The following NFATC3 variants were observed in gnomAD, a reference collection of about 807,000 sequenced individuals.
NFATC3 encodes nuclear factor of activated T cells 3.
Under a neutral mutation model 98.6 loss-of-function variants are expected in NFATC3, and 46 were observed. The ratio of observed to expected loss-of-function variants is 0.47; its 90% CI spans 0.37 to 0.60. The LOEUF (loss-of-function observed/expected upper bound fraction) is 0.60. Among genes scored for constraint, NFATC3 ranks in the 20% least tolerant of loss-of-function variants. The probability of loss-of-function intolerance (pLI) is 0.00; values close to 1 mark genes in which losing one functional copy is unlikely to be tolerated. For synonymous variants in NFATC3, 512 were observed against 472.2 expected (o/e 1.08, Z -1.09); for missense variants, 1,256 against 1,295.5 (o/e 0.97, Z 0.47).
chr16:68,217,020 T>C lies in NFATC3; in HGVS notation c.3107-9330T>C, dbSNP rs1374189419. On this transcript the variant is annotated intron_variant, in intron 9 of 9. Coordinates refer to ENST00000346183, the MANE Select transcript of NFATC3 (RefSeq NM_173165.3). ...AAAAGTGAAGGATATCTTCAAATCGTGCATGTATTTTTAATCTGTTCAATG... is the reference window on the plus strand; with the variant it reads ...AAAAGTGAAGGATATCTTCAAATCGCGCATGTATTTTTAATCTGTTCAATG... 2.6e-5 allele frequency among the ~76,000 whole-genome samples: 4 copies of C among 152,188 alleles called. No individual in the cohort carries two copies. In the East Asian group the frequency reaches 7.7e-4, roughly 29 times the overall value.
intron 9 of NFATC3, among the ~76,000 whole-genome samples, chr16:68,211,788 C>T (rs1462012384): frequency 1.3e-5 from 2 of 152,212 alleles, no homozygotes; most frequent in African/African-American, 4.8e-5. Flanking sequence ...TCCCAAAGTG[C>T]TGGGATTACA....
chr16:68,209,871 A>C, intron 9 of NFATC3: 5 of 270,992 alleles, frequency 1.8e-5, no homozygotes, highest in South Asian at 1.7e-4. Context: ...ACACACACTC[A>C]CAGTCACACT....
intron 9 of NFATC3, among the ~76,000 whole-genome samples, chr16:68,219,901 A>C (rs2041793305): frequency 6.6e-6 from 1 of 152,178 alleles, no homozygotes; most frequent in South Asian, 2.1e-4. Context: ...TCTAACTTTG[A>C]ATTCTTAAGC....
At chr16:68,180,581 A>G (rs1278611775) in intron 6 of NFATC3, among the ~76,000 whole-genome samples, 2 of 149,670 alleles carry the variant, frequency 1.3e-5, no homozygotes, top group Non-Finnish European at 3.0e-5. Flanking sequence ...TAGATGTGCC[A>G]TGTTGGTGTG....
chr16:68,180,260 T>C (rs1476244203), intron 6 of NFATC3, among the ~76,000 whole-genome samples: 1 of 152,144 alleles, frequency 6.6e-6, no homozygotes, highest in Non-Finnish European at 1.5e-5. Flanking sequence ...AAATATAATC[T>C]CACAGAGAAG....
rs201430877 is a variant in NFATC3 at position 68,187,472 on chromosome 16, G to T, written c.2099-3296G>T. On this transcript the variant is annotated intron_variant, in intron 8 of 9. Coordinates refer to ENST00000346183, the MANE Select transcript of NFATC3 (RefSeq NM_173165.3). ...AATGAGGTACACGGACAAATGGAGG[G>T]TGAGCGGGATGAAGAGGAGCTTTTT... 2.6e-5 allele frequency among the ~76,000 whole-genome samples: 4 copies of T among 152,196 alleles called. No individual in the cohort carries two copies. In the South Asian group the frequency reaches 6.2e-4, roughly 24 times the overall value.
At chr16:68,158,916 C>G (rs1211916526) in intron 4 of NFATC3, among the ~76,000 whole-genome samples, 4 of 152,144 alleles carry the variant, frequency 2.6e-5, no homozygotes, top group African/African-American at 4.8e-5. Context: ...GTTATGTTTA[C>G]CAGAACACAT....
chr16:68,130,442 G>A (rs73612701), intron 3 of NFATC3, among the ~76,000 whole-genome samples: 1,998 of 152,162 alleles, frequency 0.013, 43 homozygotes, highest in African/African-American at 0.045. Flanking sequence ...TTTGCCATTT[G>A]TATGTCTCCT....
At position 68,096,743 on chromosome 16, in the gene NFATC3, C is replaced by T. The variant is rs532923113; in HGVS notation, c.103+10959C>T. Among the ~76,000 whole-genome samples, 4 of 152,196 alleles carry T rather than the reference C, an allele frequency of 2.6e-5. No individual in the cohort carries two copies. The South Asian group carries it at 6.2e-4, about 24-fold the overall frequency. The stretch of plus-strand genomic sequence containing the variant: ...GGAGGACATAACATTTCAGGCCAGC[C>T]GATTATCACACCCAAAGACAGGTTA... On this transcript the variant is annotated intron_variant, in intron 1 of 9. Coordinates refer to ENST00000346183, the MANE Select transcript of NFATC3 (RefSeq NM_173165.3).
intron 1 of NFATC3, among the ~76,000 whole-genome samples, chr16:68,112,759 C>T (rs1477661169): frequency 3.4e-5 from 5 of 149,074 alleles, no homozygotes; most frequent in Non-Finnish European, 5.9e-5. Flanking sequence ...CCTGGGTTCA[C>T]GCCATTCTCC....
chr16:68,133,397 T>G (rs2037217092), intron 3 of NFATC3, among the ~76,000 whole-genome samples: 1 of 152,238 alleles, frequency 6.6e-6, no homozygotes. Flanking sequence ...AATATCACTA[T>G]TTACTCCGCA....
intron 3 of NFATC3, among the ~76,000 whole-genome samples, chr16:68,149,493 ATATAAT>A (rs1338798360): frequency 6.6e-6 from 1 of 152,266 alleles, no homozygotes. Flanking sequence ...GAAAAAGGAA[ATATAAT>A]TAAAATACAC....
At chr16:68,226,238 T>C in intron 9 of NFATC3, 112 bp from the exon 10 acceptor site, 1 of 1,328,022 alleles carries the variant, frequency 7.5e-7, no homozygotes, top group Non-Finnish European at 1.0e-6. Flanking sequence ...ACTGCCTTTA[T>C]CTTTACAGAA....
chr16:68,089,609 T>G (rs1278642639), intron 1 of NFATC3: 2 of 152,226 alleles, frequency 1.3e-5, no homozygotes, highest in Non-Finnish European at 2.9e-5. Context: ...AACTAAACTT[T>G]TTTTTAACAT....
At chr16:68,203,468 T>A (rs1567548344) in intron 9 of NFATC3, among the ~76,000 whole-genome samples, 1 of 151,320 alleles carries the variant, frequency 6.6e-6, no homozygotes, top group Non-Finnish European at 1.5e-5. Context: ...CCTGTCTCTA[T>A]AAAAAATACC....
chr16:68,194,836 G>A (rs1054887189), intron 9 of NFATC3, among the ~76,000 whole-genome samples: 2 of 151,708 alleles, frequency 1.3e-5, no homozygotes, highest in Admixed American at 6.6e-5. Flanking sequence ...TTGGGAAAAT[G>A]TATTTCATTA....
Position 68,166,967 on chromosome 16 carries a change from A to G in NFATC3, c.1726A>G (p.Ser576Gly), listed in dbSNP as rs767472791. ...GTTTCGTGTACACATCCCACAGCCC[A>G]GTGGAAAAGTCCTTTCTCTGCAGAT... ...LVFRVHIPQPSGKVLSLQIAS... is the reference protein window; with the variant it reads ...LVFRVHIPQPGGKVLSLQIAS... Residue 576 changes from serine (S) to glycine (G), a missense_variant, in exon 5 of 10, where the codon AGT (serine) becomes GGT (glycine). This residue lies in a region of NFATC3 where 636 missense variants were observed against 617.3 expected (regional missense o/e 1.03). Transcript: ENST00000346183. 2 of 1,614,186 alleles carry G rather than the reference A, an allele frequency of 1.2e-6. No homozygotes were observed. Among genetic ancestry groups the G allele is most frequent in the South Asian group, 2.2e-5 (2 of 91,084 alleles).
At chr16:68,202,978 T>A (rs1422205741) in intron 9 of NFATC3, among the ~76,000 whole-genome samples, 3 of 152,296 alleles carry the variant, frequency 2.0e-5, no homozygotes, top group Non-Finnish European at 4.4e-5. Flanking sequence ...GGACACTGGA[T>A]AACTCACGAA....
chr16:68,199,215 A>ATTTT lies in NFATC3; in HGVS notation c.3106+7447_3106+7450dup, dbSNP rs1161857692. Among the ~76,000 whole-genome samples the ATTTT allele has an allele frequency of 7.2e-3, 1,056 of 146,526 alleles. 16 individuals are homozygous for ATTTT. Among genetic ancestry groups the ATTTT allele is most frequent in the African/African-American group, 0.025 (985 of 38,922 alleles). Reference sequence around the variant, plus strand: ...TGGGCAACAGACCAAGACCCTGTTTATTTTTTTTTTATTTTTTATTTTTTT... The same window carrying ATTTT: ...TGGGCAACAGACCAAGACCCTGTTTATTTTTTTTTTTTTTATTTTTTATTTTTTT... On this transcript the variant is annotated intron_variant, in intron 9 of 9. Coordinates refer to ENST00000346183, the MANE Select transcript of NFATC3 (RefSeq NM_173165.3).
Sources: gnomAD v4.1 joint callset for allele counts (sites outside exome capture counted in the v4.1 genomes callset) on GRCh38, gnomAD v4.1.1 for gene constraint, gnomAD v4.1.1 regional missense constraint, MANE v1.5 for transcripts, NCBI Gene and HGNC (gene_info 2026-07-23, HGNC 2026-07-21) for gene names.